Variants in CHCHD3 observed in about 807,000 individuals in gnomAD.
CHCHD3 encodes MICOS complex subunit MIC19.
CHCHD3 carries 20 observed loss-of-function variants against 38.2 expected under a neutral mutation model. The observed-to-expected ratio is 0.52, with a 90% CI of 0.37 to 0.76. The LOEUF is 0.76. Ranked by LOEUF, CHCHD3 falls within the 30% of genes least tolerant of loss-of-function variation. The pLI, the probability that CHCHD3 is intolerant of heterozygous loss-of-function variation, is 0.00. For missense variants in CHCHD3, 245 were observed against 279.2 expected, an observed-to-expected ratio of 0.88 and a Z score of 0.87; for synonymous variants, 82 against 100.0, an observed-to-expected ratio of 0.82 and a Z score of 1.07.
intron 4 of CHCHD3, among the ~76,000 whole-genome samples, chr7:132,937,348 A>C (rs1029579617): frequency 6.6e-6 from 1 of 152,204 alleles, no homozygotes; most frequent in African/African-American, 2.4e-5. Flanking sequence ...TGAAATACTA[A>C]AATAACTGGA....
chr7:133,016,392 G>A (rs1813030868), intron 3 of CHCHD3, among the ~76,000 whole-genome samples: 1 of 152,204 alleles, frequency 6.6e-6, no homozygotes, highest in South Asian at 2.1e-4. Flanking sequence ...CAGTGTGCAT[G>A]TTCTATGTAT....
intron 6 of CHCHD3, among the ~76,000 whole-genome samples, chr7:132,817,147 T>A (rs78743995): frequency 0.023 from 3,474 of 152,108 alleles, 74 homozygotes; most frequent in Non-Finnish European, 0.034. Flanking sequence ...GCAGCACTCA[T>A]CTGCTTTATG....
intron 5 of CHCHD3, among the ~76,000 whole-genome samples, chr7:132,868,994 T>C (rs1808698689): frequency 6.6e-6 from 1 of 152,122 alleles, no homozygotes; most frequent in Admixed American, 6.5e-5. Flanking sequence ...ACTTACTCGA[T>C]GTTAACAACA....
rs188843807 is a variant in CHCHD3 at position 132,943,506 on chromosome 7, G to A, written c.369+31663C>T. Among the ~76,000 whole-genome samples the A allele has an allele frequency of 7.2e-5, 11 of 151,986 alleles. No individual in the cohort carries two copies. The East Asian group carries it at 2.1e-3, about 29-fold the overall frequency. On this transcript the variant is annotated intron_variant, in intron 4 of 7. Transcript: ENST00000262570. ...TTACTTATTCAAAAAGCTACTACTG[G>A]CAAAACTGTTTAGAAAAAGCTGGTG...
At chr7:132,893,477 T>TGG (rs1809420096) in intron 4 of CHCHD3, among the ~76,000 whole-genome samples, 1 of 152,174 alleles carries the variant, frequency 6.6e-6, no homozygotes, top group South Asian at 2.1e-4. Flanking sequence ...CTTGGACTTT[T>TGG]GGGTTAATGC....
At chr7:132,885,580 G>A (rs1809185071) in intron 5 of CHCHD3, 82 bp downstream of exon 5, 1 of 1,122,406 alleles carries the variant, frequency 8.9e-7, no homozygotes, top group Non-Finnish European at 1.2e-6. Flanking sequence ...AGCAGTTGAA[G>A]TTCTAATTTA....
In CHCHD3 at chr7:132,879,976, A is replaced by G. The variant is rs149027174; in HGVS notation, c.453+5686T>C. Reference sequence around the variant, plus strand: ...GACCTTACTTATTCTTTTTTGGTCAAATTTTCCCAGGAAATGTCAAATTCT... The same window carrying G: ...GACCTTACTTATTCTTTTTTGGTCAGATTTTCCCAGGAAATGTCAAATTCT... On this transcript the variant is annotated intron_variant, in intron 5 of 7. Transcript: ENST00000262570. Among the ~76,000 whole-genome samples the G allele has an allele frequency of 2.3e-3, 353 of 152,204 alleles. 2 individuals carry two copies. The highest frequency in any genetic ancestry group is 7.7e-3 in the African/African-American group (321 of 41,524).
chr7:133,011,389 G>A (rs1812869012), intron 3 of CHCHD3, among the ~76,000 whole-genome samples: 1 of 152,188 alleles, frequency 6.6e-6, no homozygotes, highest in Admixed American at 6.5e-5. Flanking sequence ...AGGTGACTTT[G>A]TAATACTACA....
chr7:133,055,450 A>G (rs1334243542), intron 2 of CHCHD3, among the ~76,000 whole-genome samples: 1 of 145,182 alleles, frequency 6.9e-6, no homozygotes, highest in Non-Finnish European at 1.5e-5. Flanking sequence ...TATTTATTAT[A>G]ATTAATTATA....
chr7:133,015,162 C>A lies in CHCHD3; in HGVS notation c.251+9384G>T, dbSNP rs181568865. On this transcript the variant is annotated intron_variant, in intron 3 of 7. Coordinates refer to ENST00000262570, the MANE Select transcript of CHCHD3 (RefSeq NM_017812.4). ...TTTGAGACCAGCCTGTCCAACATGG[C>A]GAAACCCTGTCTCTATTAAAAATAC... Among the ~76,000 whole-genome samples, 612 of 151,888 alleles carry A rather than the reference C, an allele frequency of 4.0e-3. 3 individuals are homozygous for A. Among genetic ancestry groups the A allele is most frequent in the Middle Eastern group, 0.02 (6 of 294 alleles).
At chr7:133,033,015 C>T (rs573864670) in intron 2 of CHCHD3, among the ~76,000 whole-genome samples, 2 of 152,126 alleles carry the variant, frequency 1.3e-5, no homozygotes, top group African/African-American at 4.8e-5. Context: ...GAAAAGTAAT[C>T]AATATAATGC....
rs758554361 is a variant in CHCHD3 at position 133,035,932 on chromosome 7, AAAG to A, written c.170-11308_170-11306del. On this transcript the variant is annotated intron_variant, in intron 2 of 7. Coordinates refer to ENST00000262570, the MANE Select transcript of CHCHD3 (RefSeq NM_017812.4). The surrounding 1 kb of genome is among the most constrained non-coding windows in gnomAD (Gnocchi z 4.7). The stretch of plus-strand genomic sequence containing the variant: ...GTCCCAGCCGCCATGGTGATTCCGC[AAAG>A]AAAGGCTGGATCCAGTCTTAAAAGT... 6.4e-7 allele frequency: 1 copy of A among 1,551,388 alleles called. No individual in the cohort carries two copies. The highest frequency in any genetic ancestry group is 2.3e-5 in the East Asian group (1 of 44,172).
intron 3 of CHCHD3, among the ~76,000 whole-genome samples, chr7:132,998,377 AAGGGACCTG>A (rs1812480744): frequency 6.6e-6 from 1 of 152,218 alleles, no homozygotes; most frequent in South Asian, 2.1e-4. Context: ...TGCACTTATC[AAGGGACCTG>A]AGAAAAAGAC....
At chr7:132,899,687 A>C (rs1262353005) in intron 4 of CHCHD3, among the ~76,000 whole-genome samples, 2 of 152,168 alleles carry the variant, frequency 1.3e-5, no homozygotes, top group Admixed American at 1.3e-4. Context: ...CAAGTAGAAA[A>C]AGCAACAAAA....
intron 3 of CHCHD3, among the ~76,000 whole-genome samples, chr7:132,976,154 T>C (rs753308766): frequency 3.3e-5 from 5 of 152,098 alleles, no homozygotes; most frequent in Non-Finnish European, 7.4e-5. Flanking sequence ...CCTCCCAGTA[T>C]ATTACCCCTA....
In CHCHD3 at chr7:133,007,055, CTTTG is replaced by C. The variant is rs746875846; in HGVS notation, c.251+17487_251+17490del. Among the ~76,000 whole-genome samples, 73 of 152,082 alleles carry C rather than the reference CTTTG, an allele frequency of 4.8e-4. 1 individual carries two copies. The highest frequency in any genetic ancestry group is 1.1e-3 in the African/African-American group (46 of 41,476). ...TTATAGATGATTTTCATTTTCTTAA[CTTTG>C]TTTGGCTGCATTTCTCTAATTTTCT... On this transcript the variant is annotated intron_variant, in intron 3 of 7. Transcript: ENST00000262570.
rs1384357917 is a variant in CHCHD3, at chr7:132,897,932, T to C, written c.370-12187A>G. Among the ~76,000 whole-genome samples the C allele has an allele frequency of 2.6e-5, 4 of 152,202 alleles. No homozygotes were observed. The East Asian group carries it at 7.7e-4, about 29-fold the overall frequency. ...CAGCGTGTCCGGAGTTTGTTCCTTCTGATGTTCAGATGTGTTCGGAGTTTC... is the reference window on the plus strand; with the variant it reads ...CAGCGTGTCCGGAGTTTGTTCCTTCCGATGTTCAGATGTGTTCGGAGTTTC... On this transcript the variant is annotated intron_variant, in intron 4 of 7. Transcript: ENST00000262570.
At chr7:132,951,687 G>A (rs1427259301) in intron 4 of CHCHD3, among the ~76,000 whole-genome samples, 1 of 152,172 alleles carries the variant, frequency 6.6e-6, no homozygotes, top group Non-Finnish European at 1.5e-5. Flanking sequence ...TAAGCTATAG[G>A]ACTGGATATC....
intron 7 of CHCHD3, among the ~76,000 whole-genome samples, chr7:132,794,970 C>T (rs888493339): frequency 4.6e-5 from 7 of 152,222 alleles, no homozygotes; most frequent in African/African-American, 1.7e-4. Context: ...GTTAACTTTG[C>T]TTTATCCTAT....
Sources: allele counts gnomAD v4.1 joint callset (sites outside exome capture counted in the v4.1 genomes callset), GRCh38; gene constraint gnomAD v4.1.1; non-coding constraint Gnocchi (gnomAD v3.1); transcripts MANE v1.5; gene names NCBI Gene and HGNC (gene_info 2026-07-23, HGNC 2026-07-21).